Variants in POFUT3 observed in about 807,000 individuals in gnomAD.
POFUT3 encodes the protein protein O-fucosyltransferase 3, also known as GDP-fucose protein O-fucosyltransferase 3.
the POFUT3 span, among the ~76,000 whole-genome samples, chr8:33,376,215 TA>T: frequency 0.042 from 6,302 of 148,818 alleles, 458 homozygotes; most frequent in Admixed American, 0.17. Flanking sequence ...ATATTTTTCT[TA>T]AAAAAAAAAC....
At chr8:33,318,579 TTG>T in the POFUT3 span, among the ~76,000 whole-genome samples, 4 of 88,916 alleles carry the variant, frequency 4.5e-5, no homozygotes, top group East Asian at 6.9e-4. Context: ...TATAAATATA[TTG>T]TATATATATT....
chr8:33,323,354 C>T, the POFUT3 span, among the ~76,000 whole-genome samples: 3 of 152,178 alleles, frequency 2.0e-5, no homozygotes, highest in African/African-American at 4.8e-5. Flanking sequence ...AATGACAGTG[C>T]GTTGCACTGC....
the POFUT3 span, chr8:33,472,991 G>C: frequency 6.6e-6 from 1 of 152,526 alleles, no homozygotes; most frequent in African/African-American, 2.4e-5. Context: ...GCGTCTTTCC[G>C]TGTCTCAGCA....
the POFUT3 span, among the ~76,000 whole-genome samples, chr8:33,471,496 C>T: frequency 6.6e-6 from 1 of 152,108 alleles, no homozygotes. Context: ...GTGATCCGCC[C>T]GCCTCGGTCT....
At chr8:33,319,977 G>A in the POFUT3 span, among the ~76,000 whole-genome samples, 1 of 150,732 alleles carries the variant, frequency 6.6e-6, no homozygotes, top group Admixed American at 6.8e-5. Flanking sequence ...TACTAAGGAT[G>A]TACTATGTGC....
At chr8:33,366,650 G>A in the POFUT3 span, among the ~76,000 whole-genome samples, 1 of 152,166 alleles carries the variant, frequency 6.6e-6, no homozygotes, top group African/African-American at 2.4e-5. Context: ...CAAGCTCAAT[G>A]TGGTGGATAT....
chr8:33,450,237 G>A, the POFUT3 span, among the ~76,000 whole-genome samples: 23 of 152,092 alleles, frequency 1.5e-4, no homozygotes, highest in Non-Finnish European at 7.4e-5. Context: ...CATTGTGCCC[G>A]GCCTATGAAG....
chr8:33,427,360 C>T, the POFUT3 span, among the ~76,000 whole-genome samples: 22 of 151,792 alleles, frequency 1.4e-4, no homozygotes, highest in African/African-American at 5.3e-4. Flanking sequence ...GGCAGATCAT[C>T]TGAGGTCGGG....
chr8:33,385,527 G>C, the POFUT3 span, among the ~76,000 whole-genome samples: 1 of 152,166 alleles, frequency 6.6e-6, no homozygotes, highest in Non-Finnish European at 1.5e-5. Flanking sequence ...AGGCTCCTAA[G>C]GGAAGAGGGT....
At chr8:33,335,422 A>T in the POFUT3 span, among the ~76,000 whole-genome samples, 1 of 152,248 alleles carries the variant, frequency 6.6e-6, no homozygotes. Context: ...GTCATTGATG[A>T]CATGAATGTA....
At chr8:33,421,096 T>A in the POFUT3 span, among the ~76,000 whole-genome samples, 1 of 152,020 alleles carries the variant, frequency 6.6e-6, no homozygotes, top group Non-Finnish European at 1.5e-5. Context: ...TTTTTAAAAT[T>A]TTTATCAAAT....
chr8:33,437,729 T>A, the POFUT3 span, among the ~76,000 whole-genome samples: 1 of 152,068 alleles, frequency 6.6e-6, no homozygotes. Context: ...GAGAATCGCT[T>A]GAACAGGGGA....
chr8:33,408,710 T>C, the POFUT3 span, among the ~76,000 whole-genome samples: 1 of 152,076 alleles, frequency 6.6e-6, no homozygotes, highest in Non-Finnish European at 1.5e-5. Context: ...GAACATAGTG[T>C]GCAATTCAAT....
the POFUT3 span, among the ~76,000 whole-genome samples, chr8:33,433,677 G>A: frequency 2.0e-5 from 3 of 151,122 alleles, no homozygotes; most frequent in African/African-American, 4.9e-5. Context: ...CCAGCTACTT[G>A]GGAGGCTGAG....
At chr8:33,418,253 G>A in the POFUT3 span, among the ~76,000 whole-genome samples, 2 of 152,046 alleles carry the variant, frequency 1.3e-5, no homozygotes, top group South Asian at 2.1e-4. Flanking sequence ...AACCACCACC[G>A]CTGAACCATA....
At chr8:33,321,246 A>C in the POFUT3 span, among the ~76,000 whole-genome samples, 2 of 152,256 alleles carry the variant, frequency 1.3e-5, no homozygotes, top group Admixed American at 6.5e-5. Context: ...ATAAAAAGCC[A>C]CTGAAAGTTC....
chr8:33,323,660 CA>C, the POFUT3 span, among the ~76,000 whole-genome samples: 2 of 152,136 alleles, frequency 1.3e-5, no homozygotes, highest in Non-Finnish European at 2.9e-5. Flanking sequence ...AACAGCCTAC[CA>C]AATCAGAAGT....
At chr8:33,413,814 A>G in the POFUT3 span, among the ~76,000 whole-genome samples, 2 of 152,186 alleles carry the variant, frequency 1.3e-5, no homozygotes. Context: ...TACATATACC[A>G]TAAGTGCATT....
At chr8:33,380,163 C>G in the POFUT3 span, among the ~76,000 whole-genome samples, 80 of 44,146 alleles carry the variant, frequency 1.8e-3, 10 homozygotes, top group African/African-American at 9.1e-3. Flanking sequence ...TATATATATA[C>G]TATATATATA....
Sources: allele counts gnomAD v4.1 joint callset (sites outside exome capture counted in the v4.1 genomes callset), GRCh38; gene constraint gnomAD v4.1.1; transcripts MANE v1.5; gene names NCBI Gene and HGNC (gene_info 2026-07-23, HGNC 2026-07-21).